Variants in MLLT10 observed in about 807,000 individuals in gnomAD.
The protein encoded by MLLT10 is MLLT10 histone lysine methyltransferase DOT1L cofactor.
A neutral mutation model predicts 129.1 loss-of-function variants in MLLT10; 30 were observed. The observed-to-expected ratio is 0.23, with a 90% CI of 0.17 to 0.32. MLLT10 has a LOEUF of 0.32. MLLT10 is among the 10% of genes least tolerant of loss of function. The probability of loss-of-function intolerance (pLI) is 1.00; values close to 1 mark genes in which losing one functional copy is unlikely to be tolerated. For synonymous variants in MLLT10, 490 were observed against 446.4 expected, an observed-to-expected ratio of 1.10 and a Z score of -1.23; for missense variants, 1,119 against 1,268.3, an observed-to-expected ratio of 0.88 and a Z score of 1.79.
intron 13 of MLLT10, among the ~76,000 whole-genome samples, chr10:21,695,061 CTTTTTTTTT>C (rs71393922): frequency 1.9e-5 from 2 of 104,034 alleles, no homozygotes; most frequent in Non-Finnish European, 3.8e-5. Flanking sequence ...TTTCTACCTT[CTTTTTTTTT>C]TTTTTTTTTT....
rs2058707153 is a variant in MLLT10, at chr10:21,740,124, C to T, written c.3050C>T (p.Thr1017Ile). Residue 1017 changes from threonine to isoleucine, a missense_variant, in exon 22 of 23, where the codon ACA (threonine) becomes ATA (isoleucine). Coordinates refer to ENST00000307729, the MANE Select transcript of MLLT10 (RefSeq NM_001195626.3). ...ELQQLQIPGP[T>I]QIPINNLLAG... ...CAGCAGCTGCAGATCCCTGGACCAACACAAATACCCATAAACAACCTTCTT... is the reference window on the plus strand; with the variant it reads ...CAGCAGCTGCAGATCCCTGGACCAATACAAATACCCATAAACAACCTTCTT... 6.2e-7 allele frequency: 1 copy of T among 1,614,186 alleles called. No individual in the cohort carries two copies. Among genetic ancestry groups the T allele is most frequent in the Non-Finnish European group, 8.5e-7 (1 of 1,180,030 alleles).
chr10:21,603,679 G>T lies in MLLT10; in HGVS notation c.405+8239G>T, dbSNP rs368377673. Among the ~76,000 whole-genome samples, 4 of 152,268 alleles carry T rather than the reference G, an allele frequency of 2.6e-5. No individual in the cohort carries two copies. The East Asian group carries it at 5.8e-4, about 22-fold the overall frequency. On this transcript the variant is annotated intron_variant, in intron 5 of 22. Transcript: ENST00000307729. ...ACAAACTGGGTGACTTGAAGCAGCA[G>T]AAATTTCTTCTTACAATTAAAGAGG...
At chr10:21,729,038 T>C (rs2057746644) in intron 16 of MLLT10, among the ~76,000 whole-genome samples, 1 of 152,106 alleles carries the variant, frequency 6.6e-6, no homozygotes, top group Non-Finnish European at 1.5e-5. Context: ...TGATGCCTTT[T>C]TTTCTGTATA....
intron 13 of MLLT10, among the ~76,000 whole-genome samples, chr10:21,693,157 A>T (rs1050578871): frequency 7.9e-5 from 12 of 151,970 alleles, no homozygotes; most frequent in African/African-American, 2.4e-4. Context: ...ACTTTATTTG[A>T]GCTTAGTGTT....
chr10:21,586,542 A>G (rs868176882), intron 4 of MLLT10, among the ~76,000 whole-genome samples, 194 bp downstream of exon 4: 1 of 152,256 alleles, frequency 6.6e-6, no homozygotes, highest in Middle Eastern at 3.4e-3. Context: ...AAACTTAAGC[A>G]TTGGGTATTT....
rs1366376772 is a variant in MLLT10 at position 21,717,550 on chromosome 10, TTTC to T, written c.1878+3609_1878+3611del. Among the ~76,000 whole-genome samples, 195 of 84,882 alleles carry T rather than the reference TTTC, an allele frequency of 2.3e-3. 1 individual carries two copies. The highest frequency in any genetic ancestry group is 5.5e-3 in the African/African-American group (108 of 19,604). 55.7% of individuals were successfully genotyped at this position (84,882 alleles called of 152,430 possible). ...TCCTCCTCCTCCTCCTCCCTTCTTC[TTTC>T]TTCTTCTTTCTTCCTCTTCCTCTTC... On this transcript the variant is annotated intron_variant, in intron 14 of 22. Coordinates refer to ENST00000307729, the MANE Select transcript of MLLT10 (RefSeq NM_001195626.3).
chr10:21,542,462 C>T (rs895841683), intron 3 of MLLT10, among the ~76,000 whole-genome samples: 1 of 152,210 alleles, frequency 6.6e-6, no homozygotes, highest in African/African-American at 2.4e-5. Flanking sequence ...CCCAGCTACT[C>T]GGGAGACTGA....
chr10:21,621,026 C>G (rs1298868544), intron 8 of MLLT10, among the ~76,000 whole-genome samples: 6 of 151,922 alleles, frequency 3.9e-5, no homozygotes, highest in Non-Finnish European at 8.8e-5. Flanking sequence ...GCTCTGTTGC[C>G]TAGGCTGGAG....
upstream of MLLT10, among the ~76,000 whole-genome samples, chr10:21,533,975 C>T (rs1051562968): frequency 2.0e-5 from 3 of 152,114 alleles, no homozygotes; most frequent in Admixed American, 6.5e-5. Context: ...ACACGCGGCC[C>T]GCGCCACCAG....
chr10:21,616,726 A>G (rs1232094037), intron 7 of MLLT10, among the ~76,000 whole-genome samples: 1 of 152,044 alleles, frequency 6.6e-6, no homozygotes, highest in East Asian at 1.9e-4. Context: ...TCCTAGTGGC[A>G]TAAAGTAACA....
intron 21 of MLLT10, chr10:21,738,440 G>A: frequency 1.6e-6 from 2 of 1,289,070 alleles, no homozygotes; most frequent in South Asian, 2.5e-5. Flanking sequence ...ACATGGTTAA[G>A]GAATTTTCAG....
chr10:21,539,044 A>C, intron 3 of MLLT10, 132 bp downstream of exon 3: 1 of 569,120 alleles, frequency 1.8e-6, no homozygotes. Flanking sequence ...AATTTAGGCC[A>C]AATATTGACT....
Position 21,734,003 on chromosome 10 carries a change from G to A in MLLT10, c.2732G>A (p.Gly911Asp). ...ALPGNQLAINGIVGALNGVMQ... is the reference protein window; with the variant it reads ...ALPGNQLAINDIVGALNGVMQ... ...CCAGGTAACCAACTGGCAATTAATG[G>A]CATTGTAGGAGCTTTAAATGGGGTT... Residue 911 changes from glycine (G) to aspartate (D), a missense_variant, in exon 20 of 23, where the codon GGC becomes GAC. Transcript: ENST00000307729. 1 of 1,614,172 alleles carries A rather than the reference G, an allele frequency of 6.2e-7. No individual in the cohort carries two copies. Among genetic ancestry groups the A allele is most frequent in the Non-Finnish European group, 8.5e-7 (1 of 1,180,036 alleles).
chr10:21,534,736 A>C lies in MLLT10; in HGVS notation c.92A>C (p.Glu31Ala). The C allele has an allele frequency of 6.2e-7, 1 of 1,613,338 alleles. No homozygotes were observed. The highest frequency in any genetic ancestry group is 1.7e-4 in the Middle Eastern group (1 of 6,058). ...MIGGCCVCSD[E>A]RGWAENPLVY... ...GGAGGCTGTTGCGTTTGCTCAGACGAGAGAGGCTGGGCCGAGAACCCGCTG... is the reference window on the plus strand; with the variant it reads ...GGAGGCTGTTGCGTTTGCTCAGACGCGAGAGGCTGGGCCGAGAACCCGCTG... Residue 31 changes from glutamate (E) to alanine (A), a missense_variant, in exon 2 of 23, where the codon GAG (glutamate) becomes GCG (alanine). Coordinates refer to ENST00000307729, the MANE Select transcript of MLLT10 (RefSeq NM_001195626.3).
chr10:21,537,250 T>G (rs2034202378), intron 2 of MLLT10, among the ~76,000 whole-genome samples: 1 of 152,216 alleles, frequency 6.6e-6, no homozygotes, highest in Non-Finnish European at 1.5e-5. Context: ...TATTCTGCTG[T>G]GATTGTACAG....
chr10:21,734,469 T>A (rs541444470), intron 20 of MLLT10, among the ~76,000 whole-genome samples: 1 of 152,342 alleles, frequency 6.6e-6, no homozygotes, highest in East Asian at 1.9e-4. Flanking sequence ...ATTAGTTTCC[T>A]AAAATTTATG....
At chr10:21,739,720 C>T (rs2058675240) in intron 21 of MLLT10, among the ~76,000 whole-genome samples, 1 of 152,146 alleles carries the variant, frequency 6.6e-6, no homozygotes, top group Non-Finnish European at 1.5e-5. Flanking sequence ...AAGGGTTTGA[C>T]CACGCATGAT....
intron 8 of MLLT10, chr10:21,624,750 G>C: frequency 1.6e-6 from 2 of 1,232,248 alleles, no homozygotes; most frequent in Non-Finnish European, 2.4e-6. Flanking sequence ...TTGGAATCAG[G>C]TTGGTTGTAA....
At position 21,743,056 on chromosome 10, in the gene MLLT10, A is replaced by C. The variant is rs778538916; in HGVS notation, c.*1073A>C. ...TAAAAGCTCACCACTAGAGTTCCTG[A>C]AACAGGTGAAACCTGTATGACAGCC... On this transcript the variant is annotated 3_prime_UTR_variant, in exon 23 of 23. Transcript: ENST00000307729. 2.8e-4 allele frequency: 64 copies of C among 230,562 alleles called. No individual in the cohort carries two copies. Among genetic ancestry groups the C allele is most frequent in the Non-Finnish European group, 4.7e-4 (55 of 116,318 alleles). The allele number at this position is 230,562 out of a possible 1,614,324, so 14.3% of individuals were successfully genotyped here.
Sources: gnomAD v4.1 joint callset for allele counts (sites outside exome capture counted in the v4.1 genomes callset) on GRCh38, gnomAD v4.1.1 for gene constraint, MANE v1.5 for transcripts, NCBI Gene and HGNC (gene_info 2026-07-23, HGNC 2026-07-21) for gene names.